ZAN: variants seen among roughly 807,000 people sequenced by gnomAD.
The protein encoded by ZAN is zonadhesin (gene/pseudogene).
Under a neutral mutation model 286.2 loss-of-function variants are expected in ZAN, and 260 were observed. That is an observed-to-expected ratio of 0.91 (90% confidence interval 0.82 to 1.01). The LOEUF (loss-of-function observed/expected upper bound fraction) is 1.01, where lower values mean the gene tolerates loss of function less well. Among genes scored for constraint, ZAN ranks in the 50% least tolerant of loss-of-function variants. ZAN has a pLI of 0.00. For missense variants in ZAN, 3,410 were observed against 3,639.2 expected, an observed-to-expected ratio of 0.94 and a Z score of 1.62; for synonymous variants, 1,368 against 1,417.5, an observed-to-expected ratio of 0.97 and a Z score of 0.79.
intron 19 of ZAN, 71 bp from the exon 20 acceptor site, chr7:100,762,144 C>G: frequency 6.3e-7 from 1 of 1,593,260 alleles, no homozygotes; most frequent in Non-Finnish European, 8.6e-7. Context: ...TCCTTGCCTT[C>G]TCTGCCACTG....
intron 13 of ZAN, 89 bp from the exon 14 acceptor site, chr7:100,751,623 C>A: frequency 7.0e-7 from 1 of 1,420,286 alleles, no homozygotes; most frequent in Non-Finnish European, 9.4e-7. Context: ...AATAAGCCAC[C>A]CATGGGAGCC....
intron 7 of ZAN, among the ~76,000 whole-genome samples, chr7:100,738,912 TC>T (rs1807526729): frequency 5.1e-4 from 1 of 1,958 alleles, no homozygotes; most frequent in African/African-American, 2.0e-3. Context: ...CCTCTCCCTC[TC>T]CCTCTCCCTC....
rs1454625637 is a variant in ZAN, at chr7:100,765,555, G to C, written c.4470+1G>C. On this transcript the variant is annotated splice_donor_variant, in intron 23 of 47. Coordinates refer to ENST00000613979, the MANE Select transcript of ZAN (RefSeq NM_003386.3). LOFTEE classifies it high-confidence loss of function. ...CCACCCTGCAGGCAGCTACTTCAAG[G>C]TGAGCGGCTGCGTGGACCTCTCAGC... 6.3e-7 allele frequency: 1 copy of C among 1,596,750 alleles called. No individual in the cohort carries two copies. The highest frequency in any genetic ancestry group is 8.5e-7 in the Non-Finnish European group (1 of 1,172,096).
intron 25 of ZAN, among the ~76,000 whole-genome samples, 194 bp downstream of exon 25, chr7:100,767,451 C>T (rs1174489479): frequency 6.7e-6 from 1 of 149,894 alleles, no homozygotes; most frequent in African/African-American, 2.5e-5. Flanking sequence ...GCCCCTCCTG[C>T]TCCCAGTTTT....
intron 24 of ZAN, 96 bp from the exon 25 acceptor site, chr7:100,766,914 A>G: frequency 1.9e-6 from 3 of 1,560,308 alleles, no homozygotes; most frequent in Non-Finnish European, 2.6e-6. Flanking sequence ...GGCCGTGGGG[A>G]CCATGCCAAT....
chr7:100,742,808 A>T (rs1447065025), intron 7 of ZAN, among the ~76,000 whole-genome samples: 1 of 37,152 alleles, frequency 2.7e-5, no homozygotes, highest in African/African-American at 9.7e-5. Context: ...TGGCAGCAGT[A>T]CAGTCCAGCT....
At position 100,789,268 on chromosome 7, in the gene ZAN, G is replaced by A; in HGVS notation, c.7278G>A (p.Arg2426=). 6.2e-7 allele frequency: 1 copy of A among 1,613,886 alleles called. No homozygotes were observed. The highest frequency in any genetic ancestry group is 8.5e-7 in the Non-Finnish European group (1 of 1,179,820). The change falls in exon 39 of 48, where the codon CGG becomes CGA. Residue 2426 remains arginine (R), a synonymous_variant. Transcript: ENST00000613979. ...AVPYRPNEHL[R]VTLWGQRLYL... ...CCTACAGGCCAAATGAACACCTGCG[G>A]GTCACCCTGTGGGGCCAACGGCTCT... is the stretch of plus-strand genomic sequence containing the variant.
rs1350169317 is a variant in ZAN, at chr7:100,790,961, G to A, written c.7377G>A (p.Met2459Ile). 2.5e-6 allele frequency: 4 copies of A among 1,611,332 alleles called. No individual in the cohort carries two copies. Among genetic ancestry groups the A allele is most frequent in the East Asian group, 4.5e-5 (2 of 44,788 alleles). ...RKNAVISLPS[M>I]YEGLVSGLCG... ...CCGCAGTGATCTCCCTACCCAGCAT[G>A]TACGAGGGGCTTGTGAGTGGCCTGT... The change falls in exon 40 of 48, where the codon ATG (methionine) becomes ATA (isoleucine). Residue 2459 changes from methionine (M) to isoleucine (I), a missense_variant. By Grantham distance (10) the Met-to-Ile change is conservative (BLOSUM62 1). This residue lies in a region of ZAN where 1,289 missense variants were observed against 1,314.3 expected (regional missense o/e 0.98). Coordinates refer to ENST00000613979, the MANE Select transcript of ZAN (RefSeq NM_003386.3).
At chr7:100,788,857 T>A (rs1487860248) in intron 38 of ZAN, among the ~76,000 whole-genome samples, 2 of 151,986 alleles carry the variant, frequency 1.3e-5, no homozygotes, top group African/African-American at 4.8e-5. Flanking sequence ...CACCACCATG[T>A]CTGGCTAATT....
At position 100,779,658 on chromosome 7, in the gene ZAN, AC is replaced by A; in HGVS notation, c.6532del (p.Gln2178ArgfsTer79). 6.3e-7 allele frequency: 1 copy of A among 1,579,634 alleles called. No homozygotes were observed. The highest frequency in any genetic ancestry group is 1.2e-5 in the South Asian group (1 of 86,288). ...ANTLCEFGGL[Y>X]QALCQALQAF... ...ACCCTCTGTGAGTTCGGAGGTCTCT[AC>A]CAGGCCCTCTGCCAGGCTCTGCAAG... is the stretch of plus-strand genomic sequence containing the variant. On this transcript the variant is annotated frameshift_variant, in exon 35 of 48. Transcript: ENST00000613979. LOFTEE classifies it high-confidence loss of function.
intron 35 of ZAN, among the ~76,000 whole-genome samples, chr7:100,783,659 G>T (rs1168838073): frequency 7.2e-6 from 1 of 138,690 alleles, no homozygotes. Flanking sequence ...TCTGGAACCA[G>T]GGAGGCAGAG....
rs1266392301 is a variant in ZAN at position 100,752,203 on chromosome 7, A to G, written c.2098A>G (p.Met700Val). The G allele has an allele frequency of 3.1e-6, 5 of 1,609,354 alleles. No homozygotes were observed. In the South Asian group the frequency reaches 4.4e-5, roughly 14 times the overall value. Residue 700 changes from methionine (M) to valine (V), a missense_variant, in exon 14 of 48, where the codon ATG becomes GTG. This residue lies in a region of ZAN where 872 missense variants were observed against 938.9 expected (regional missense o/e 0.93). Transcript: ENST00000613979. The stretch of plus-strand genomic sequence containing the variant: ...CCCCACGGAAAAACCCACCATCTCC[A>G]TGGAAGAGACTATCATCTCCACAGA... The part of the protein sequence containing the change: ...SIPTEKPTIS[M>V]EETIISTEKP...
At chr7:100,790,611 G>A (rs1391522193) in intron 39 of ZAN, among the ~76,000 whole-genome samples, 1 of 149,630 alleles carries the variant, frequency 6.7e-6, no homozygotes, top group East Asian at 2.0e-4. Flanking sequence ...GGCTAGGCGC[G>A]GTGGCTCATG....
At position 100,767,849 on chromosome 7, in the gene ZAN, G is replaced by GC. The variant is rs1342754937; in HGVS notation, c.4882dup (p.Leu1628ProfsTer63). ...TCTGCAGCTGAATGGCCATCGGGTG[G>GC]CCCTACCTGTGTGGCTTGCACAAGG... On this transcript the variant is annotated frameshift_variant, in exon 26 of 48. Transcript: ENST00000613979. LOFTEE classifies it high-confidence loss of function. 7 of 1,613,520 alleles carry GC rather than the reference G, an allele frequency of 4.3e-6. No individual in the cohort carries two copies. The highest frequency in any genetic ancestry group is 5.9e-6 in the Non-Finnish European group (7 of 1,179,760).
At position 100,767,940 on chromosome 7, in the gene ZAN, G is replaced by A. The variant is rs982441699; in HGVS notation, c.4970G>A (p.Arg1657His). The change falls in exon 26 of 48, where the codon CGC becomes CAC. Residue 1657 changes from arginine to histidine, a missense_variant. Coordinates refer to ENST00000613979, the MANE Select transcript of ZAN (RefSeq NM_003386.3). Reference sequence around the variant, plus strand: ...TACACGAACTTTGGGCTCCAAGTTCGCTACGACGGGAGCCACTTGGTGGAA... The same window carrying A: ...TACACGAACTTTGGGCTCCAAGTTCACTACGACGGGAGCCACTTGGTGGAA... ...LLYTNFGLQV[R>H]YDGSHLVEVT... 1.9e-6 allele frequency: 3 copies of A among 1,613,822 alleles called. No individual in the cohort carries two copies. The highest frequency in any genetic ancestry group is 1.1e-5 in the South Asian group (1 of 91,076).
At chr7:100,737,114 G>A in intron 5 of ZAN, 34 bp downstream of exon 5, 1 of 1,474,430 alleles carries the variant, frequency 6.8e-7, no homozygotes. Flanking sequence ...GACCTCGGGG[G>A]GGAGTCTGGG....
At chr7:100,770,117 G>GATCTACA in intron 28 of ZAN, 143 bp downstream of exon 28, 1 of 696,050 alleles carries the variant, frequency 1.4e-6, no homozygotes, top group Admixed American at 2.7e-5. Flanking sequence ...GGGCCAGCCA[G>GATCTACA]CAGTCACCTT....
At chr7:100,766,885 A>G in intron 24 of ZAN, 125 bp from the exon 25 acceptor site, 1 of 1,517,014 alleles carries the variant, frequency 6.6e-7, no homozygotes, top group Non-Finnish European at 8.9e-7. Context: ...TTCCTAGGGA[A>G]ACACCACATC....
chr7:100,775,702 T>C lies in ZAN; in HGVS notation c.6061T>C (p.Ser2021Pro), dbSNP rs776965530. The part of the protein sequence containing the change: ...NSKQVTLPAI[S>P]QIPGVSVKSS... ...CAAACAGGTCACCCTCCCCGCCATC[T>C]CCCAGATCCCTGGGGTCAGTGTCAA... Residue 2021 changes from serine to proline, a missense_variant, in exon 33 of 48, where the codon TCC becomes CCC. Physicochemically the swap from Ser to Pro is moderately conservative, Grantham distance 74. Around this residue, in one of 7 missense-constraint regions of ZAN, gnomAD observed 1,289 missense variants for 1,314.3 expected, o/e 0.98. Transcript: ENST00000613979. 6.2e-7 allele frequency: 1 copy of C among 1,613,876 alleles called. No individual in the cohort carries two copies. Among genetic ancestry groups the C allele is most frequent in the South Asian group, 1.1e-5 (1 of 91,080 alleles).
Sources: allele counts gnomAD v4.1 joint callset (sites outside exome capture counted in the v4.1 genomes callset), GRCh38; gene constraint gnomAD v4.1.1; regional missense constraint gnomAD v4.1.1; transcripts MANE v1.5; gene names NCBI Gene and HGNC (gene_info 2026-07-23, HGNC 2026-07-21).